Variants in ASIC2 observed in about 807,000 individuals in gnomAD.
ASIC2 encodes the protein acid sensing ion channel subunit 2.
A neutral mutation model predicts 57.3 loss-of-function variants in ASIC2; 25 were observed. That is an observed-to-expected ratio of 0.44 (90% confidence interval 0.32 to 0.61). The LOEUF is 0.61. ASIC2 is among the 20% of genes least tolerant of loss of function. The probability of loss-of-function intolerance (pLI) is 0.06; values close to 1 mark genes in which losing one functional copy is unlikely to be tolerated. For missense variants in ASIC2, 641 were observed against 738.1 expected, an observed-to-expected ratio of 0.87 and a Z score of 1.52; for synonymous variants, 319 against 307.5, an observed-to-expected ratio of 1.04 and a Z score of -0.39.
At chr17:34,134,162 A>G (rs1212674750) in intron 1 of ASIC2, among the ~76,000 whole-genome samples, 1 of 152,224 alleles carries the variant, frequency 6.6e-6, no homozygotes, top group Non-Finnish European at 1.5e-5. Context: ...GAAATGCCCC[A>G]AAAGGAAATG....
chr17:33,134,088 A>G (rs968237551), intron 1 of ASIC2, among the ~76,000 whole-genome samples: 3 of 152,256 alleles, frequency 2.0e-5, no homozygotes, highest in African/African-American at 7.2e-5. Flanking sequence ...TGGAGAGGCC[A>G]AAGACACAGA....
chr17:33,117,801 T>G (rs1323471357), intron 1 of ASIC2, among the ~76,000 whole-genome samples: 1 of 152,236 alleles, frequency 6.6e-6, no homozygotes, highest in Non-Finnish European at 1.5e-5. Flanking sequence ...AAGGAAGTAC[T>G]ATGTGTCTGC....
chr17:33,488,479 A>G (rs1161751089), intron 1 of ASIC2, among the ~76,000 whole-genome samples: 1 of 152,180 alleles, frequency 6.6e-6, no homozygotes, highest in African/African-American at 2.4e-5. Context: ...TTAAGTCCAG[A>G]AATGTGTTTA....
intron 3 of ASIC2, among the ~76,000 whole-genome samples, chr17:33,062,954 A>G (rs1385844553): frequency 6.6e-6 from 1 of 152,050 alleles, no homozygotes; most frequent in Non-Finnish European, 1.5e-5. Flanking sequence ...GTTGGTTTAA[A>G]GTCTGTTTTA....
chr17:34,068,589 G>A (rs1909263239), intron 1 of ASIC2, among the ~76,000 whole-genome samples: 1 of 152,156 alleles, frequency 6.6e-6, no homozygotes, highest in African/African-American at 2.4e-5. Context: ...GTAAAACAAT[G>A]GAGTGGAACC....
chr17:33,368,959 A>C (rs1401810062), intron 1 of ASIC2, among the ~76,000 whole-genome samples: 2 of 152,144 alleles, frequency 1.3e-5, no homozygotes, highest in African/African-American at 4.8e-5. Context: ...GCATTTACTC[A>C]GATATAAACC....
At chr17:33,579,014 G>A (rs561585703) in intron 1 of ASIC2, among the ~76,000 whole-genome samples, 18 of 152,216 alleles carry the variant, frequency 1.2e-4, no homozygotes, top group Admixed American at 9.2e-4. Flanking sequence ...GGTCAGGTGC[G>A]CTGTCTCACT....
intron 1 of ASIC2, among the ~76,000 whole-genome samples, chr17:33,904,562 G>A (rs2141955412): frequency 6.6e-6 from 1 of 152,280 alleles, no homozygotes; most frequent in South Asian, 2.1e-4. Context: ...AGAACCACTG[G>A]TCTAACCCAG....
chr17:33,664,044 G>A (rs11870886), intron 1 of ASIC2, among the ~76,000 whole-genome samples: 23 of 152,140 alleles, frequency 1.5e-4, no homozygotes, highest in Admixed American at 3.9e-4. Context: ...TTTGAAATGC[G>A]TCCTATAAAA....
At chr17:33,154,008 G>T (rs1904899977) in intron 1 of ASIC2, among the ~76,000 whole-genome samples, 1 of 152,098 alleles carries the variant, frequency 6.6e-6, no homozygotes, top group African/African-American at 2.4e-5. Flanking sequence ...GGTCCCAAGG[G>T]TGCTCCTTCA....
intron 3 of ASIC2, among the ~76,000 whole-genome samples, chr17:33,047,192 C>G (rs972324523): frequency 1.3e-5 from 2 of 152,226 alleles, no homozygotes. Context: ...AGGGTGAAAT[C>G]TGGGATCCAA....
chr17:33,610,165 T>C (rs1218262648), intron 1 of ASIC2, among the ~76,000 whole-genome samples: 2 of 152,164 alleles, frequency 1.3e-5, no homozygotes, highest in African/African-American at 4.8e-5. Context: ...CTATTTTGCC[T>C]CTGTTTTTTT....
chr17:33,466,404 G>A (rs549487776), intron 1 of ASIC2, among the ~76,000 whole-genome samples: 1 of 152,246 alleles, frequency 6.6e-6, no homozygotes, highest in Admixed American at 6.5e-5. Context: ...TAGTGAAAAT[G>A]GCCATACTGC....
chr17:34,136,798 G>A (rs972718594), intron 1 of ASIC2, among the ~76,000 whole-genome samples: 3 of 152,162 alleles, frequency 2.0e-5, no homozygotes, highest in African/African-American at 4.8e-5. Flanking sequence ...AAATATTTTG[G>A]AGAGTTTGGC....
At position 33,422,171 on chromosome 17, in the gene ASIC2, C is replaced by T. The variant is rs73983494; in HGVS notation, c.556-310104G>A. ...TTCTGTAGGCATGCCATTTTAATGG[C>T]AATACTGCAATTTCATTGCAAGTTC... On this transcript the variant is annotated intron_variant, in intron 1 of 9. Transcript: ENST00000359872. Among the ~76,000 whole-genome samples the T allele has an allele frequency of 6.1e-3, 935 of 152,324 alleles. 18 individuals carry two copies. The highest frequency in any genetic ancestry group is 0.021 in the African/African-American group (878 of 41,568).
At chr17:33,653,094 G>T (rs1451671581) in intron 1 of ASIC2, among the ~76,000 whole-genome samples, 1 of 152,212 alleles carries the variant, frequency 6.6e-6, no homozygotes, top group African/African-American at 2.4e-5. Flanking sequence ...AAGATAAAGT[G>T]CTGGACTACA....
intron 1 of ASIC2, among the ~76,000 whole-genome samples, chr17:33,765,933 T>G (rs1567710054): frequency 2.0e-5 from 3 of 152,224 alleles, no homozygotes; most frequent in African/African-American, 7.2e-5. Context: ...CCTTGACTCC[T>G]ATTACAAGCA....
chr17:33,940,676 G>A (rs1385894503), intron 1 of ASIC2, among the ~76,000 whole-genome samples: 1 of 152,202 alleles, frequency 6.6e-6, no homozygotes, highest in Non-Finnish European at 1.5e-5. Flanking sequence ...GATCCTAGCA[G>A]GGGACATAGT....
intron 2 of ASIC2, among the ~76,000 whole-genome samples, chr17:33,097,868 T>G (rs945152606): frequency 1.3e-5 from 2 of 152,202 alleles, no homozygotes; most frequent in African/African-American, 4.8e-5. Flanking sequence ...GGTGTCATTT[T>G]AGACCCTGCT....
Sources: gnomAD v4.1 joint callset for allele counts (sites outside exome capture counted in the v4.1 genomes callset) on GRCh38, gnomAD v4.1.1 for gene constraint, MANE v1.5 for transcripts, NCBI Gene and HGNC (gene_info 2026-07-23, HGNC 2026-07-21) for gene names.